ATP10B: variants seen among roughly 807,000 people sequenced by gnomAD.
ATP10B encodes the protein ATPase phospholipid transporting 10B (putative), also known as phospholipid-transporting ATPase VB.
A neutral mutation model predicts 141.2 loss-of-function variants in ATP10B; 122 were observed. That is an observed-to-expected ratio of 0.86 (90% CI 0.75 to 1.00). The LOEUF (loss-of-function observed/expected upper bound fraction) is 1.00, where lower values mean the gene tolerates loss of function less well. Ranked by LOEUF, ATP10B falls within the 50% of genes least tolerant of loss-of-function variation. ATP10B has a pLI of 0.00. For missense variants in ATP10B, 1,876 were observed against 1,825.3 expected (o/e 1.03, Z -0.51); for synonymous variants, 685 against 692.0 (o/e 0.99, Z 0.16).
intron 21 of ATP10B, among the ~76,000 whole-genome samples, chr5:160,600,273 C>G (rs62391637): frequency 6.6e-6 from 1 of 152,142 alleles, no homozygotes; most frequent in Non-Finnish European, 1.5e-5. Flanking sequence ...ACTGTTGCCC[C>G]CTGCCCAAAT....
intron 6 of ATP10B, among the ~76,000 whole-genome samples, chr5:160,673,488 C>T (rs1762844223): frequency 6.6e-6 from 1 of 151,776 alleles, no homozygotes; most frequent in Admixed American, 6.6e-5. Flanking sequence ...CTATAGTCAC[C>T]GTTGTACTAT....
chr5:160,609,560 G>C (rs1757594001), intron 18 of ATP10B, among the ~76,000 whole-genome samples: 1 of 152,068 alleles, frequency 6.6e-6, no homozygotes, highest in South Asian at 2.1e-4. Context: ...TATATTTTTA[G>C]TAAAGACAGG....
At chr5:160,654,251 C>T (rs1340999795) in intron 7 of ATP10B, among the ~76,000 whole-genome samples, 1 of 151,728 alleles carries the variant, frequency 6.6e-6, no homozygotes, top group Non-Finnish European at 1.5e-5. Flanking sequence ...AGGTGTAAGC[C>T]ATCGTGCCTG....
intron 3 of ATP10B, among the ~76,000 whole-genome samples, chr5:160,705,380 C>A (rs1281956398): frequency 6.6e-6 from 1 of 152,122 alleles, no homozygotes; most frequent in African/African-American, 2.4e-5. Context: ...GGCCGCCATG[C>A]CTGGCTATTT....
intron 22 of ATP10B, among the ~76,000 whole-genome samples, chr5:160,594,552 T>G (rs1235660939): frequency 6.6e-6 from 1 of 151,880 alleles, no homozygotes; most frequent in Non-Finnish European, 1.5e-5. Flanking sequence ...TAACTTTAAA[T>G]GTAAATGGAC....
In ATP10B at chr5:160,632,145, G is replaced by A. The variant is rs771511270; in HGVS notation, c.1604C>T (p.Ala535Val). ...AGGACTTACTATGGAGCTGCTGAAG[G>A]CCACAGGAGGCTGTGAGCTTTCACG... ...GHRESSQPPV[A>V]FSSSIEKDVT... Residue 535 changes from alanine (A) to valine (V), a missense_variant, in exon 13 of 26, where the codon GCC (alanine) becomes GTC (valine). Transcript: ENST00000327245. 6.2e-7 allele frequency: 1 copy of A among 1,613,134 alleles called. No homozygotes were observed. Among genetic ancestry groups the A allele is most frequent in the Non-Finnish European group, 8.5e-7 (1 of 1,179,166 alleles).
intron 1 of ATP10B, among the ~76,000 whole-genome samples, chr5:160,818,832 A>G (rs1773885859): frequency 6.6e-6 from 1 of 152,222 alleles, no homozygotes; most frequent in Non-Finnish European, 1.5e-5. Flanking sequence ...AAAAATGATG[A>G]GTTCATGTCC....
intron 8 of ATP10B, among the ~76,000 whole-genome samples, chr5:160,646,176 A>T (rs1320768546): frequency 1.3e-5 from 2 of 152,164 alleles, no homozygotes; most frequent in Non-Finnish European, 2.9e-5. Context: ...TAGGTCACAG[A>T]CACCCACCCT....
At chr5:160,862,234 T>G in the ATP10B span, among the ~76,000 whole-genome samples, 10 of 151,998 alleles carry the variant, frequency 6.6e-5, no homozygotes, top group Non-Finnish European at 1.2e-4. Context: ...AATCAGTTGA[T>G]TTTAAACAGG....
intron 23 of ATP10B, 143 bp from the exon 24 acceptor site, chr5:160,589,839 AG>A: frequency 1.6e-6 from 1 of 631,696 alleles, no homozygotes; most frequent in Non-Finnish European, 2.9e-6. Flanking sequence ...TACTGATCCG[AG>A]GAACAGGTCA....
chr5:160,820,086 A>G (rs367854765), intron 1 of ATP10B, among the ~76,000 whole-genome samples: 2 of 152,026 alleles, frequency 1.3e-5, no homozygotes, highest in African/African-American at 4.8e-5. Context: ...CAACAAAACA[A>G]AAAGTTGATT....
chr5:160,792,896 A>C (rs1486752333), intron 1 of ATP10B, among the ~76,000 whole-genome samples: 1 of 151,872 alleles, frequency 6.6e-6, no homozygotes, highest in Non-Finnish European at 1.5e-5. Flanking sequence ...GACCTAAAAC[A>C]CTCAACTGAA....
chr5:160,730,822 C>T (rs1415632794), intron 2 of ATP10B, among the ~76,000 whole-genome samples: 1 of 152,156 alleles, frequency 6.6e-6, no homozygotes, highest in Non-Finnish European at 1.5e-5. Context: ...AATGCATCCT[C>T]AAATCAGATA....
the ATP10B span, among the ~76,000 whole-genome samples, chr5:160,882,915 T>A: frequency 2.0e-5 from 3 of 151,794 alleles, no homozygotes; most frequent in Non-Finnish European, 4.4e-5. Context: ...TTTGTAAGAA[T>A]GCAGAAGAAA....
At chr5:160,789,709 A>G (rs1359080959) in intron 1 of ATP10B, among the ~76,000 whole-genome samples, 5 of 152,178 alleles carry the variant, frequency 3.3e-5, no homozygotes, top group African/African-American at 1.2e-4. Flanking sequence ...CAGACAGGAA[A>G]CAGACTCAAG....
chr5:160,684,984 G>C, intron 6 of ATP10B: 1 of 703,324 alleles, frequency 1.4e-6, no homozygotes, highest in Non-Finnish European at 2.6e-6. Context: ...TGACCACAGG[G>C]ATAAAATTCA....
chr5:160,915,824 A>C, the ATP10B span, among the ~76,000 whole-genome samples: 2 of 152,294 alleles, frequency 1.3e-5, no homozygotes, highest in East Asian at 3.9e-4. Flanking sequence ...TCACCCCTAC[A>C]TCTCACACAC....
chr5:160,704,601 T>A (rs1427541017), intron 3 of ATP10B, among the ~76,000 whole-genome samples: 1 of 152,182 alleles, frequency 6.6e-6, no homozygotes, highest in Non-Finnish European at 1.5e-5. Context: ...ATTCTCTAAC[T>A]AGAGAGTCAG....
intron 7 of ATP10B, among the ~76,000 whole-genome samples, chr5:160,669,471 C>A (rs1762525578): frequency 6.6e-6 from 1 of 152,190 alleles, no homozygotes; most frequent in African/African-American, 2.4e-5. Context: ...GACCCCAGAG[C>A]CAGAGCTTTT....
Sources: gnomAD v4.1 joint callset for allele counts (sites outside exome capture counted in the v4.1 genomes callset) on GRCh38, gnomAD v4.1.1 for gene constraint, MANE v1.5 for transcripts, NCBI Gene and HGNC (gene_info 2026-07-23, HGNC 2026-07-21) for gene names.